PLXNB1: variants seen among roughly 807,000 people sequenced by gnomAD.
PLXNB1 encodes plexin-B1.
PLXNB1 carries 106 observed loss-of-function variants against 209.4 expected under a neutral mutation model. The observed-to-expected ratio is 0.51, with a 90% CI of 0.43 to 0.59. The LOEUF is 0.59. Ranked by LOEUF, PLXNB1 falls within the 20% of genes least tolerant of loss-of-function variation. The pLI is 0.00. For missense variants in PLXNB1, 2,357 were observed against 2,853.2 expected (o/e 0.83, Z 3.96); for synonymous variants, 1,167 against 1,183.2 (o/e 0.99, Z 0.28).
Position 48,415,837 on chromosome 3 carries a change from T to C in PLXNB1, c.3618-78A>G. The C allele has an allele frequency of 7.0e-7, 1 of 1,427,138 alleles. No individual in the cohort carries two copies. Among genetic ancestry groups the C allele is most frequent in the Non-Finnish European group, 9.5e-7 (1 of 1,056,896 alleles). 88.4% of individuals were successfully genotyped at this position (1,427,138 alleles called of 1,614,324 possible). A position where few individuals can be genotyped will look rare whatever the true frequency, so the allele number is the denominator to read the frequency against. The stretch of plus-strand genomic sequence containing the variant: ...CCACTCAGGCCCCAACTGGCTTCCC[T>C]CAAGCGCTGACTGCAGTCTCCACCA... On this transcript the variant is annotated intron_variant, in intron 18 of 37. Transcript: ENST00000296440. This position sits in a 1 kb window ranked among gnomAD's most constrained non-coding sequence, Gnocchi z 5.0.
intron 1 of PLXNB1, among the ~76,000 whole-genome samples, chr3:48,427,544 C>T (rs1282479135): frequency 1.3e-5 from 2 of 152,100 alleles, no homozygotes; most frequent in African/African-American, 4.8e-5. Context: ...TGAGTACACC[C>T]CTCCCCCAAG....
chr3:48,415,340 G>A lies in PLXNB1; in HGVS notation c.3802C>T (p.Arg1268Cys), dbSNP rs1189370901. ...GPTKSFLSGG[R>C]EICVRGQNLD... ...TTCTGGCCACGGACGCATATCTCAC[G>A]TCCTCCACTGAAACAGACCGTGAGC... Residue 1268 changes from arginine to cysteine, a missense_variant, in exon 20 of 38, where the codon CGT becomes TGT. Physicochemically the swap from Arg to Cys is radical, Grantham distance 180. Coordinates refer to ENST00000296440, the MANE Select transcript of PLXNB1 (RefSeq NM_001130082.3). The surrounding 1 kb of genome is among the most constrained non-coding windows in gnomAD (Gnocchi z 5.0). 5.6e-6 allele frequency: 9 copies of A among 1,613,066 alleles called. No individual in the cohort carries two copies. The highest frequency in any genetic ancestry group is 3.3e-5 in the Admixed American group (2 of 59,992).
chr3:48,418,814 C>T lies in PLXNB1; in HGVS notation c.2955+103G>A. On this transcript the variant is annotated intron_variant, in intron 13 of 37. Coordinates refer to ENST00000296440, the MANE Select transcript of PLXNB1 (RefSeq NM_001130082.3). This position sits in a 1 kb window ranked among gnomAD's most constrained non-coding sequence, Gnocchi z 6.6. Reference sequence around the variant, plus strand: ...GGAGACTCCCTCAGGGCGACACGGTCAGAGCGTGGCTCTGGAAAGTGTGGT... The same window carrying T: ...GGAGACTCCCTCAGGGCGACACGGTTAGAGCGTGGCTCTGGAAAGTGTGGT... 5 of 1,448,768 alleles carry T rather than the reference C, an allele frequency of 3.5e-6. No individual in the cohort carries two copies. Among genetic ancestry groups the T allele is most frequent in the Non-Finnish European group, 4.8e-6 (5 of 1,047,180 alleles). The allele number at this position is 1,448,768 out of a possible 1,614,324, so 89.7% of individuals were successfully genotyped here.
chr3:48,409,414 G>C lies in PLXNB1; in HGVS notation c.6002C>G (p.Thr2001Arg), dbSNP rs1378190870. ...KNPQFVFDVQ[T>R]SDNMDAVLLV... is the part of the protein sequence containing the mutation. ...GAGCACCGCATCCATGTTATCAGAT[G>C]TTTGCACGTCGAACACAAACTGCGG... The change falls in exon 34 of 38, where the codon ACA becomes AGA. Residue 2001 changes from threonine to arginine, a missense_variant. Thr to Arg is a moderately conservative substitution (Grantham distance 71). Around this residue, in one of 7 missense-constraint regions of PLXNB1, gnomAD observed 414 missense variants for 520.5 expected, o/e 0.80. Transcript: ENST00000296440. This position sits in a 1 kb window ranked among gnomAD's most constrained non-coding sequence, Gnocchi z 5.8. 1.2e-6 allele frequency: 2 copies of C among 1,614,184 alleles called. No homozygotes were observed. Among genetic ancestry groups the C allele is most frequent in the Non-Finnish European group, 1.7e-6 (2 of 1,180,032 alleles).
In PLXNB1 at chr3:48,422,140, C is replaced by A. The variant is rs1373257440; in HGVS notation, c.1485G>T (p.Arg495Ser). The stretch of plus-strand genomic sequence containing the variant: ...GCACGCACCACCCACAGTATGGGTC[C>A]CTGTGAGCAAGGCAAGATGCACAGT... Reference protein sequence around the residue: ...HLDCASCLAHRDPYCGWCVLL... With the variant: ...HLDCASCLAHSDPYCGWCVLL... The change falls in exon 6 of 38, where the codon AGG (arginine) becomes AGT (serine). Residue 495 changes from arginine to serine, a missense_variant. Arg to Ser is a moderately radical substitution (Grantham distance 110). Coordinates refer to ENST00000296440, the MANE Select transcript of PLXNB1 (RefSeq NM_001130082.3). The A allele has an allele frequency of 6.2e-7, 1 of 1,613,992 alleles. No homozygotes were observed. Among genetic ancestry groups the A allele is most frequent in the Non-Finnish European group, 8.5e-7 (1 of 1,179,972 alleles).
Position 48,423,851 on chromosome 3 carries a change from C to G in PLXNB1, c.761G>C (p.Arg254Pro). The G allele has an allele frequency of 6.2e-7, 1 of 1,613,986 alleles. No homozygotes were observed. The highest frequency in any genetic ancestry group is 8.5e-7 in the Non-Finnish European group (1 of 1,180,008). The change falls in exon 3 of 38, where the codon CGG becomes CCG. Residue 254 changes from arginine (R) to proline (P), a missense_variant. Coordinates refer to ENST00000296440, the MANE Select transcript of PLXNB1 (RefSeq NM_001130082.3). ...CACATAGGAGTAGTAGTGCTGGTCC[C>G]GGAGACACACTCGAGATACATAGGC... is the stretch of plus-strand genomic sequence containing the variant. ...FRAYVSRVCL[R>P]DQHYYSYVEL...
chr3:48,421,707 A>G lies in PLXNB1; in HGVS notation c.1620T>C (p.Ser540=). 6.2e-7 allele frequency: 1 copy of G among 1,609,584 alleles called. No individual in the cohort carries two copies. The highest frequency in any genetic ancestry group is 8.5e-7 in the Non-Finnish European group (1 of 1,176,404). ...TCTCCTCTCGGCTGATGTTGGCAGG[A>G]CTCATGGCTGCCACTTGCAGACAGC... ...ELGCLQVAAM[S]PANISREETR... is the part of the protein sequence containing the mutation. Residue 540 remains serine (S), a synonymous_variant, in exon 7 of 38, where the codon AGT becomes AGC. Transcript: ENST00000296440.
chr3:48,412,159 G>C (rs891185272), intron 27 of PLXNB1, 79 bp downstream of exon 27: 79 of 1,520,124 alleles, frequency 5.2e-5, no homozygotes, highest in Non-Finnish European at 7.0e-5. Context: ...TGTCCGAGCT[G>C]CATGGTGGCT....
rs199941177 is a variant in PLXNB1, at chr3:48,417,883, G to A, written c.3374+28C>T. On this transcript the variant is annotated intron_variant, in intron 16 of 37. Coordinates refer to ENST00000296440, the MANE Select transcript of PLXNB1 (RefSeq NM_001130082.3). This position sits in a 1 kb window ranked among gnomAD's most constrained non-coding sequence, Gnocchi z 4.4. The stretch of plus-strand genomic sequence containing the variant: ...AACCGCGGAGGCCCCAGGCTGCGCC[G>A]TGCTCCTGCTGGGTGCAGCCAGCTT... 1.2e-4 allele frequency: 189 copies of A among 1,591,824 alleles called. No individual in the cohort carries two copies. In the East Asian group the frequency reaches 3.2e-3, roughly 27 times the overall value.
rs759453789 is a variant in PLXNB1, at chr3:48,423,892, C to G, written c.720G>C (p.Gln240His). The G allele has an allele frequency of 6.2e-7, 1 of 1,614,062 alleles. No individual in the cohort carries two copies. The highest frequency in any genetic ancestry group is 2.2e-5 in the East Asian group (1 of 44,884). Residue 240 changes from glutamine (Q) to histidine (H), a missense_variant, in exon 3 of 38, where the codon CAG becomes CAC. Transcript: ENST00000296440. Reference protein sequence around the residue: ...FLFLRRDLQAQSRAFRAYVSR... With the variant: ...FLFLRRDLQAHSRAFRAYVSR... ...ATACATAGGCACGAAAAGCTCTAGA[C>G]TGAGCCTGCAGGTCCCGCCGCAGGA...
At chr3:48,408,136 T>C (rs2037427404) in intron 34 of PLXNB1, among the ~76,000 whole-genome samples, 2 of 151,926 alleles carry the variant, frequency 1.3e-5, no homozygotes, top group Admixed American at 6.6e-5. Context: ...TCAGCCTCCC[T>C]AGTAGCTGGG....
chr3:48,420,155 C>T lies in PLXNB1; in HGVS notation c.2131G>A (p.Val711Met), dbSNP rs777231480. ...GCTGTGGAGGGAGCCCCAGGCTCCA[C>T]GGGAAGGGTGTCAGGAGCAGGGGTG... Reference protein sequence around the residue: ...LATPAPDTLPVEPGAPSTATA... With the variant: ...LATPAPDTLPMEPGAPSTATA... Residue 711 changes from valine to methionine, a missense_variant, in exon 11 of 38, where the codon GTG becomes ATG. This residue lies in a region of PLXNB1 where 410 missense variants were observed against 401.0 expected (regional missense o/e 1.02). Transcript: ENST00000296440. 5 of 1,269,368 alleles carry T rather than the reference C, an allele frequency of 3.9e-6. No homozygotes were observed. Among genetic ancestry groups the T allele is most frequent in the Admixed American group, 4.3e-5 (2 of 46,236 alleles). 78.6% of individuals were successfully genotyped at this position (1,269,368 alleles called of 1,614,324 possible). A position where few individuals can be genotyped will look rare whatever the true frequency, so the allele number is the denominator to read the frequency against.
rs1205447728 is a variant in PLXNB1 at position 48,424,195 on chromosome 3, G to A, written c.417C>T (p.Asp139=). The A allele has an allele frequency of 1.3e-6, 2 of 1,591,578 alleles. No homozygotes were observed. Among genetic ancestry groups the A allele is most frequent in the East Asian group, 4.5e-5 (2 of 44,306 alleles). ...QLLLRPERPG[D]TQYVAANDPA... The stretch of plus-strand genomic sequence containing the variant: ...GATCATTGGCAGCCACATATTGTGT[G>A]TCCCCAGGCCGCTCTGGCCGCAGCA... Residue 139 remains aspartate, a synonymous_variant, in exon 3 of 38, where the codon GAC becomes GAT. Coordinates refer to ENST00000296440, the MANE Select transcript of PLXNB1 (RefSeq NM_001130082.3).
At chr3:48,427,277 G>A (rs371135900) in intron 1 of PLXNB1, among the ~76,000 whole-genome samples, 63 of 152,114 alleles carry the variant, frequency 4.1e-4, no homozygotes, top group East Asian at 1.7e-3. Context: ...TGAGGAGGTC[G>A]GCCGCTGACC....
At chr3:48,412,120 C>A in intron 27 of PLXNB1, 111 bp from the exon 28 acceptor site, 2 of 1,481,064 alleles carry the variant, frequency 1.4e-6, no homozygotes, top group Non-Finnish European at 1.9e-6. Context: ...TGAGGACAGG[C>A]TGAGCAGGAG....
chr3:48,426,639 G>A (rs868639725), intron 1 of PLXNB1, among the ~76,000 whole-genome samples: 1 of 152,322 alleles, frequency 6.6e-6, no homozygotes, highest in East Asian at 1.9e-4. Context: ...GCCACAGCCC[G>A]GTGGGAGCAG....
In PLXNB1 at chr3:48,413,303, G is replaced by A; in HGVS notation, c.4536-134C>T. On this transcript the variant is annotated intron_variant, in intron 23 of 37. Coordinates refer to ENST00000296440, the MANE Select transcript of PLXNB1 (RefSeq NM_001130082.3). This position sits in a 1 kb window ranked among gnomAD's most constrained non-coding sequence, Gnocchi z 5.4. ...GCCATGCCAGCCAAGCTCAAGCCTA[G>A]CCCAGTACGATTCAGCCTGTCCCGT... The A allele has an allele frequency of 2.8e-6, 2 of 726,506 alleles. No homozygotes were observed. The highest frequency in any genetic ancestry group is 1.6e-5 in the South Asian group (1 of 60,930). 45.0% of individuals were successfully genotyped at this position (726,506 alleles called of 1,614,324 possible). A position where few individuals can be genotyped will look rare whatever the true frequency, so the allele number is the denominator to read the frequency against.
chr3:48,421,239 G>C lies in PLXNB1; in HGVS notation c.1799C>G (p.Pro600Arg), dbSNP rs764250902. Residue 600 changes from proline to arginine, a missense_variant, in exon 8 of 38, where the codon CCG becomes CGG. Pro to Arg is a moderately radical substitution (Grantham distance 103, BLOSUM62 -2). Transcript: ENST00000296440. The stretch of plus-strand genomic sequence containing the variant: ...ATTCTCTCACCCACCGGCTCCTCTC[G>C]GCAGCACTGGGGCCTCACTAGGGTC... ...SPDPSEAPVL[P>R]RGADYVSVSV... The C allele has an allele frequency of 1.2e-6, 2 of 1,613,070 alleles. No homozygotes were observed. Among genetic ancestry groups the C allele is most frequent in the South Asian group, 1.1e-5 (1 of 90,910 alleles).
At chr3:48,407,342 T>C (rs904649088) in intron 34 of PLXNB1, among the ~76,000 whole-genome samples, 1 of 152,140 alleles carries the variant, frequency 6.6e-6, no homozygotes, top group Non-Finnish European at 1.5e-5. Flanking sequence ...AAATCATTTC[T>C]CAGCTCCACA....
Sources: gnomAD v4.1 joint callset for allele counts (sites outside exome capture counted in the v4.1 genomes callset) on GRCh38, gnomAD v4.1.1 for gene constraint, gnomAD v4.1.1 regional missense constraint, Gnocchi (gnomAD v3.1) non-coding constraint, MANE v1.5 for transcripts, NCBI Gene and HGNC (gene_info 2026-07-23, HGNC 2026-07-21) for gene names.